The following RAD51B variants were observed in gnomAD, a reference collection of about 807,000 sequenced individuals.
RAD51B encodes DNA repair protein RAD51 homolog 2.
A neutral mutation model predicts 42.2 loss-of-function variants in RAD51B; 38 were observed. The ratio of observed to expected loss-of-function variants is 0.90; its 90% CI spans 0.70 to 1.18. RAD51B has a LOEUF of 1.18. RAD51B is among the 50% of genes most tolerant of loss of function. The pLI, the probability that RAD51B is intolerant of heterozygous loss-of-function variation, is 0.00. For missense variants in RAD51B, 373 were observed against 400.7 expected, an observed-to-expected ratio of 0.93 and a Z score of 0.59; for synonymous variants, 154 against 145.2, an observed-to-expected ratio of 1.06 and a Z score of -0.43.
At chr14:68,530,704 T>A (rs1238964595) in intron 10 of RAD51B, among the ~76,000 whole-genome samples, 2 of 152,048 alleles carry the variant, frequency 1.3e-5, no homozygotes, top group Admixed American at 1.3e-4. Flanking sequence ...AGGATTTTTT[T>A]AAAATGAAGT....
chr14:68,267,549 TAAA>T (rs999617748), intron 7 of RAD51B, among the ~76,000 whole-genome samples: 2 of 152,102 alleles, frequency 1.3e-5, no homozygotes, highest in African/African-American at 4.8e-5. Flanking sequence ...CTAATATTAA[TAAA>T]AAGACCAGTA....
intron 10 of RAD51B, among the ~76,000 whole-genome samples, chr14:68,549,143 GCTGT>G (rs1357759971): frequency 6.6e-6 from 1 of 152,024 alleles, no homozygotes; most frequent in Non-Finnish European, 1.5e-5. Context: ...TAGTCTCCCA[GCTGT>G]CTGTCTTATC....
intron 5 of RAD51B, among the ~76,000 whole-genome samples, chr14:67,880,595 A>G (rs1241656954): frequency 1.3e-5 from 2 of 152,242 alleles, no homozygotes; most frequent in Admixed American, 6.5e-5. Flanking sequence ...GAGCAAATGT[A>G]GAAGATTAAT....
intron 7 of RAD51B, among the ~76,000 whole-genome samples, chr14:68,156,910 A>G (rs1218172227): frequency 6.6e-6 from 1 of 152,082 alleles, no homozygotes; most frequent in African/African-American, 2.4e-5. Context: ...TTTAAAAAGG[A>G]CTCACAGCCA....
At chr14:68,269,165 A>G (rs1365774898) in intron 7 of RAD51B, among the ~76,000 whole-genome samples, 3 of 152,218 alleles carry the variant, frequency 2.0e-5, no homozygotes, top group African/African-American at 7.2e-5. Context: ...GCGTGTTACA[A>G]AGAACACAAA....
At chr14:68,416,548 C>T (rs574727129) in intron 9 of RAD51B, among the ~76,000 whole-genome samples, 6 of 152,262 alleles carry the variant, frequency 3.9e-5, no homozygotes, top group African/African-American at 1.2e-4. Flanking sequence ...GTCTGAAGGA[C>T]GAAGGACTGC....
intron 10 of RAD51B, among the ~76,000 whole-genome samples, chr14:68,536,426 T>C (rs1887622605): frequency 1.3e-5 from 2 of 152,234 alleles, no homozygotes; most frequent in Non-Finnish European, 2.9e-5. Flanking sequence ...GAAAAGAATA[T>C]GTAAAACTGT....
At chr14:68,597,660 G>T (rs753326980), downstream of RAD51B, among the ~76,000 whole-genome samples, 3 of 152,166 alleles carry the variant, frequency 2.0e-5, no homozygotes, top group Non-Finnish European at 1.5e-5. Context: ...GGGAGAAGAG[G>T]AGGGAGAGGA....
chr14:68,562,932 C>CA (rs1889227060), intron 10 of RAD51B: 1 of 985,404 alleles, frequency 1.0e-6, no homozygotes, highest in African/African-American at 1.7e-5. Context: ...AAACATGGAC[C>CA]ATGTATTGCT....
At chr14:68,078,946 C>T (rs1022349507) in intron 7 of RAD51B, among the ~76,000 whole-genome samples, 16 of 152,102 alleles carry the variant, frequency 1.1e-4, no homozygotes, top group African/African-American at 4.8e-5. Context: ...GCCATGATGG[C>T]ACCACTGCAC....
intron 7 of RAD51B, among the ~76,000 whole-genome samples, chr14:67,981,032 A>G (rs1041141673): frequency 6.6e-6 from 1 of 152,192 alleles, no homozygotes; most frequent in African/African-American, 2.4e-5. Context: ...TCAATAAAAA[A>G]TCAAACAACC....
chr14:67,834,404 G>T (rs543881960), intron 3 of RAD51B, among the ~76,000 whole-genome samples: 1 of 150,934 alleles, frequency 6.6e-6, no homozygotes, highest in Admixed American at 6.6e-5. Context: ...GGGGTGGGGG[G>T]TCATTTCTCA....
At chr14:68,012,233 T>C (rs2140331847) in intron 7 of RAD51B, among the ~76,000 whole-genome samples, 2 of 152,258 alleles carry the variant, frequency 1.3e-5, no homozygotes, top group Middle Eastern at 6.8e-3. Flanking sequence ...CTTAATTTCA[T>C]ATAACTGTAG....
At chr14:68,594,904 G>A in exon 11 of RAD51B, 1 of 1,091,126 alleles carries the variant, frequency 9.2e-7, no homozygotes, top group Non-Finnish European at 1.1e-6. Context: ...TTTCTCCCTG[G>A]CTTGCTGCTG....
rs560416405 is a variant in RAD51B, at chr14:68,119,809, T to G, written c.757-172075T>G. Among the ~76,000 whole-genome samples the G allele has an allele frequency of 5.0e-4, 76 of 150,530 alleles. 2 individuals carry two copies. The East Asian group carries it at 0.012, about 24-fold the overall frequency. On this transcript the variant is annotated intron_variant, in intron 7 of 10. Transcript: ENST00000471583. ...TGCATGTGTCTTTATAGCAGCATGA[T>G]TTATAGTCCTTTGGGTATATACCCA...
intron 7 of RAD51B, among the ~76,000 whole-genome samples, chr14:68,072,733 CTT>C (rs916051395): frequency 8.5e-5 from 13 of 152,140 alleles, no homozygotes; most frequent in African/African-American, 3.1e-4. Flanking sequence ...TATGTTGTAT[CTT>C]GTTTTCATTA....
At chr14:68,196,752 C>G (rs990723912) in intron 7 of RAD51B, among the ~76,000 whole-genome samples, 19 of 152,046 alleles carry the variant, frequency 1.2e-4, no homozygotes, top group Admixed American at 6.6e-4. Flanking sequence ...TTGTTTATTG[C>G]TATATCTACA....
intron 9 of RAD51B, among the ~76,000 whole-genome samples, chr14:68,435,092 A>T (rs989132907): frequency 2.6e-5 from 4 of 152,170 alleles, no homozygotes; most frequent in Admixed American, 6.5e-5. Context: ...ATGTTACGAG[A>T]TGCTGAAGTT....
chr14:68,354,722 A>AT (rs61065386), intron 8 of RAD51B, among the ~76,000 whole-genome samples: 325 of 149,544 alleles, frequency 2.2e-3, no homozygotes, highest in African/African-American at 7.5e-3. Flanking sequence ...TTATTTTTTA[A>AT]TTTTTTTTTT....
Sources: gnomAD v4.1 joint callset for allele counts (sites outside exome capture counted in the v4.1 genomes callset) on GRCh38, gnomAD v4.1.1 for gene constraint, MANE v1.5 for transcripts, NCBI Gene and HGNC (gene_info 2026-07-23, HGNC 2026-07-21) for gene names.